OSBPL1A: variants seen among roughly 807,000 people sequenced by gnomAD.
The protein encoded by OSBPL1A is oxysterol binding protein like 1A.
A neutral mutation model predicts 137.1 loss-of-function variants in OSBPL1A; 80 were observed. The ratio of observed to expected loss-of-function variants is 0.58; its 90% CI spans 0.49 to 0.70. OSBPL1A has a LOEUF of 0.70. OSBPL1A is among the 30% of genes least tolerant of loss of function. The pLI is 0.00. For synonymous variants in OSBPL1A, 365 were observed against 389.7 expected (o/e 0.94, Z 0.75); for missense variants, 970 against 1,129.4 (o/e 0.86, Z 2.02).
intron 4 of OSBPL1A, among the ~76,000 whole-genome samples, chr18:24,352,414 G>A (rs1454519290): frequency 6.6e-6 from 1 of 152,154 alleles, no homozygotes; most frequent in Non-Finnish European, 1.5e-5. Context: ...AACAATGAAA[G>A]AGGATACAAA....
chr18:24,247,515 G>A (rs1263159482), intron 15 of OSBPL1A, among the ~76,000 whole-genome samples: 1 of 152,148 alleles, frequency 6.6e-6, no homozygotes, highest in Non-Finnish European at 1.5e-5. Context: ...ACCCAGGCTA[G>A]AAGGCAGTGT....
chr18:24,354,272 C>T (rs1338472948), intron 4 of OSBPL1A, among the ~76,000 whole-genome samples: 2 of 152,102 alleles, frequency 1.3e-5, no homozygotes, highest in South Asian at 2.1e-4. Context: ...TAACAGAGAA[C>T]CCCCAGCTCA....
At chr18:24,280,498 A>G (rs1484279707) in intron 15 of OSBPL1A, among the ~76,000 whole-genome samples, 1 of 152,104 alleles carries the variant, frequency 6.6e-6, no homozygotes, top group Non-Finnish European at 1.5e-5. Context: ...GTATGATAGT[A>G]CTCTATTTTC....
intron 15 of OSBPL1A, among the ~76,000 whole-genome samples, chr18:24,268,240 C>A (rs2089630829): frequency 6.6e-6 from 1 of 152,110 alleles, no homozygotes; most frequent in Non-Finnish European, 1.5e-5. Flanking sequence ...CTCAGCCTCC[C>A]AAGTAGCTGG....
chr18:24,270,117 G>A (rs537495569), intron 15 of OSBPL1A, among the ~76,000 whole-genome samples: 8 of 152,002 alleles, frequency 5.3e-5, no homozygotes, highest in Non-Finnish European at 1.2e-4. Flanking sequence ...TATTTTTAGA[G>A]GAATTAAAAT....
At chr18:24,363,795 C>T (rs2091662735) in intron 4 of OSBPL1A, among the ~76,000 whole-genome samples, 1 of 152,044 alleles carries the variant, frequency 6.6e-6, no homozygotes, top group Middle Eastern at 3.4e-3. Context: ...ATGCACACCA[C>T]CACACCAGGC....
At position 24,303,722 on chromosome 18, in the gene OSBPL1A, C is replaced by G; in HGVS notation, c.1093-4G>C. On this transcript the variant is annotated splice_polypyrimidine_tract_variant and splice_region_variant and intron_variant, in intron 13 of 27. Coordinates refer to ENST00000319481, the MANE Select transcript of OSBPL1A (RefSeq NM_080597.4). ...GCTGTTGGCATGACTGTGCTTTCTGCAAAAAAAGAAAAGACAAAATTAAAA... is the reference window on the plus strand; with the variant it reads ...GCTGTTGGCATGACTGTGCTTTCTGGAAAAAAAGAAAAGACAAAATTAAAA... The G allele has an allele frequency of 6.2e-7, 1 of 1,606,262 alleles. No homozygotes were observed. The highest frequency in any genetic ancestry group is 2.2e-5 in the East Asian group (1 of 44,692).
At chr18:24,197,641 C>T (rs2087072777) in intron 17 of OSBPL1A, among the ~76,000 whole-genome samples, 1 of 152,132 alleles carries the variant, frequency 6.6e-6, no homozygotes, top group Non-Finnish European at 1.5e-5. Flanking sequence ...TCACATTCCC[C>T]ACTATCCAAG....
At chr18:24,163,934 G>A (rs558196534) in intron 27 of OSBPL1A, among the ~76,000 whole-genome samples, 84 of 152,168 alleles carry the variant, frequency 5.5e-4, no homozygotes, top group African/African-American at 2.0e-3. Flanking sequence ...GTTTCTCCAT[G>A]TTGGTCAGGC....
intron 17 of OSBPL1A, among the ~76,000 whole-genome samples, chr18:24,203,499 C>T (rs1329137654): frequency 4.6e-5 from 7 of 152,194 alleles, no homozygotes; most frequent in Admixed American, 4.6e-4. Flanking sequence ...CTCCCCTTCA[C>T]ATCGACAGAC....
intron 21 of OSBPL1A, 133 bp downstream of exon 21, chr18:24,177,880 G>T: frequency 1.3e-6 from 1 of 779,336 alleles, no homozygotes; most frequent in Non-Finnish European, 2.0e-6. Context: ...TTACATAGAC[G>T]TAGACAGTTT....
intron 7 of OSBPL1A, among the ~76,000 whole-genome samples, chr18:24,326,472 A>T (rs2090982563): frequency 6.6e-6 from 1 of 152,208 alleles, no homozygotes. Context: ...GTACTAACAC[A>T]TTATCTCCCA....
rs2086147696 is a variant in OSBPL1A at position 24,166,455 on chromosome 18, CTT to C, written c.2659+122_2659+123del. ...AATTTAAATTGAATGTTAACTCAAA[CTT>C]AATCTCTAAGAGAGACTAAAAACGC... On this transcript the variant is annotated intron_variant, in intron 26 of 27. Coordinates refer to ENST00000319481, the MANE Select transcript of OSBPL1A (RefSeq NM_080597.4). 6.6e-6 allele frequency: 8 copies of C among 1,208,622 alleles called. No homozygotes were observed. The East Asian group carries it at 8.1e-5, about 12-fold the overall frequency. 74.9% of individuals were successfully genotyped at this position (1,208,622 alleles called of 1,614,324 possible). A position where few individuals can be genotyped will look rare whatever the true frequency, so the allele number is the denominator to read the frequency against.
At chr18:24,193,237 A>G (rs1201294987) in intron 18 of OSBPL1A, among the ~76,000 whole-genome samples, 1 of 152,172 alleles carries the variant, frequency 6.6e-6, no homozygotes, top group East Asian at 1.9e-4. Context: ...CTGTAATCCC[A>G]GCACTTTTGG....
intron 14 of OSBPL1A, among the ~76,000 whole-genome samples, chr18:24,290,146 C>T (rs2090149191): frequency 6.6e-6 from 1 of 151,738 alleles, no homozygotes; most frequent in African/African-American, 2.4e-5. Context: ...GAGCATGGGA[C>T]ACTGGTGGTA....
At chr18:24,289,330 C>T (rs1353057698) in intron 14 of OSBPL1A, among the ~76,000 whole-genome samples, 2 of 151,300 alleles carry the variant, frequency 1.3e-5, no homozygotes, top group Non-Finnish European at 2.9e-5. Context: ...TGAAAAACTT[C>T]TCCTGTTCCT....
chr18:24,220,230 A>G (rs1242178564), intron 17 of OSBPL1A, among the ~76,000 whole-genome samples: 1 of 152,224 alleles, frequency 6.6e-6, no homozygotes, highest in East Asian at 1.9e-4. Flanking sequence ...TCTGACCTAC[A>G]TGCCTTTTAG....
intron 27 of OSBPL1A, 130 bp downstream of exon 27, chr18:24,164,935 T>C: frequency 1.1e-6 from 1 of 872,148 alleles, no homozygotes; most frequent in Non-Finnish European, 1.8e-6. Context: ...TTTTCAGGCC[T>C]GGGACAACTC....
rs142696014 is a variant in OSBPL1A at position 24,184,579 on chromosome 18, C to T, written c.1678-3300G>A. Reference sequence around the variant, plus strand: ...ACTGCTAGAGTACCAAAATGTACTGCTCACAACCGAGAATTTGATCAGAGA... The same window carrying T: ...ACTGCTAGAGTACCAAAATGTACTGTTCACAACCGAGAATTTGATCAGAGA... On this transcript the variant is annotated intron_variant, in intron 18 of 27. Transcript: ENST00000319481. Among the ~76,000 whole-genome samples the T allele has an allele frequency of 6.2e-3, 937 of 152,306 alleles. 19 individuals carry two copies. Among genetic ancestry groups the T allele is most frequent in the African/African-American group, 0.021 (889 of 41,568 alleles).
Sources: allele counts gnomAD v4.1 joint callset (sites outside exome capture counted in the v4.1 genomes callset), GRCh38; gene constraint gnomAD v4.1.1; transcripts MANE v1.5; gene names NCBI Gene and HGNC (gene_info 2026-07-23, HGNC 2026-07-21).